The following CDH1 variants were observed in gnomAD, a reference collection of about 807,000 sequenced individuals.
CDH1 encodes the protein cadherin 1, also known as cadherin-1.
A neutral mutation model predicts 84.5 loss-of-function variants in CDH1; 35 were observed. The ratio of observed to expected loss-of-function variants is 0.41; its 90% confidence interval spans 0.32 to 0.55. The LOEUF is 0.55. Ranked by LOEUF, CDH1 falls within the 20% of genes least tolerant of loss-of-function variation. CDH1 has a pLI of 0.19. For missense variants in CDH1, 994 were observed against 1,126.6 expected (o/e 0.88, Z 1.68); for synonymous variants, 417 against 439.0 (o/e 0.95, Z 0.63).
At chr16:68,791,984 G>C (rs1415290765) in intron 2 of CDH1, among the ~76,000 whole-genome samples, 1 of 148,634 alleles carries the variant, frequency 6.7e-6, no homozygotes, top group East Asian at 2.0e-4. Context: ...GCAGTGGCGT[G>C]ATCTCAGCTC....
intron 2 of CDH1, among the ~76,000 whole-genome samples, chr16:68,744,319 C>T (rs1378673613): frequency 6.6e-6 from 1 of 152,160 alleles, no homozygotes; most frequent in African/African-American, 2.4e-5. Flanking sequence ...GATCTCAAAC[C>T]TGAGTCTGGA....
chr16:68,811,584 G>A (rs2152131764), intron 6 of CDH1, 100 bp from the exon 7 acceptor site: 4 of 1,029,480 alleles, frequency 3.9e-6, no homozygotes, highest in Admixed American at 1.7e-5. Context: ...CCACCCCCAT[G>A]TCCCCTCCTT....
At position 68,829,948 on chromosome 16, in the gene CDH1, TTTTTC is replaced by T. The variant is rs1567516310; in HGVS notation, c.2439+156_2439+160del. On this transcript the variant is annotated intron_variant, in intron 15 of 15. Coordinates refer to ENST00000261769, the MANE Select transcript of CDH1 (RefSeq NM_004360.5). ...GGAGCCCTGTTTTCCTTTTTCTTTT[TTTTTC>T]TTTTTCTTTTTTTTTTTTTTTGAGA... 414 of 682,422 alleles carry T rather than the reference TTTTTC, an allele frequency of 6.1e-4. 1 individual carries two copies. Among genetic ancestry groups the T allele is most frequent in the South Asian group, 1.7e-3 (87 of 50,768 alleles). 42.3% of individuals were successfully genotyped at this position (682,422 alleles called of 1,614,324 possible). A position where few individuals can be genotyped will look rare whatever the true frequency, so the allele number is the denominator to read the frequency against.
intron 12 of CDH1, chr16:68,822,523 C>T (rs1028899501): frequency 2.8e-5 from 15 of 536,842 alleles, no homozygotes; most frequent in Non-Finnish European, 4.5e-5. Flanking sequence ...TCTCTGCTAC[C>T]TCCTGCTCCT....
chr16:68,740,495 G>A (rs926946228), intron 2 of CDH1, among the ~76,000 whole-genome samples: 1 of 151,956 alleles, frequency 6.6e-6, no homozygotes, highest in Non-Finnish European at 1.5e-5. Flanking sequence ...TGGCTTCTCG[G>A]GGAAGGCAAA....
chr16:68,779,408 T>G (rs1959815793), intron 2 of CDH1, among the ~76,000 whole-genome samples: 1 of 152,256 alleles, frequency 6.6e-6, no homozygotes, highest in Non-Finnish European at 1.5e-5. Flanking sequence ...CCAGCTCTGC[T>G]GTGTGCTGTT....
chr16:68,772,593 G>A (rs1301614866), intron 2 of CDH1, among the ~76,000 whole-genome samples: 2 of 152,126 alleles, frequency 1.3e-5, no homozygotes, highest in African/African-American at 2.4e-5. Flanking sequence ...ACCCTGTGAT[G>A]TAGGTCTTCC....
intron 2 of CDH1, among the ~76,000 whole-genome samples, chr16:68,794,440 A>G (rs1489114158): frequency 6.6e-6 from 1 of 152,166 alleles, no homozygotes. Flanking sequence ...CCTTTTCAAC[A>G]TGCCCTAAGT....
intron 2 of CDH1, among the ~76,000 whole-genome samples, chr16:68,764,270 G>C (rs1301101139): frequency 6.6e-6 from 1 of 152,050 alleles, no homozygotes; most frequent in East Asian, 1.9e-4. Context: ...ACTCTGAGTG[G>C]AATTACCAGT....
intron 2 of CDH1, among the ~76,000 whole-genome samples, chr16:68,741,875 T>C (rs1597841419): frequency 1.3e-5 from 2 of 152,168 alleles, no homozygotes; most frequent in Admixed American, 6.5e-5. Context: ...TTCATCATAT[T>C]GGTCAGGCTG....
chr16:68,796,631 T>TG (rs1178721794), intron 2 of CDH1, among the ~76,000 whole-genome samples: 1 of 152,116 alleles, frequency 6.6e-6, no homozygotes, highest in African/African-American at 2.4e-5. Context: ...TCATCTCTCT[T>TG]GGGGTCCTCT....
intron 2 of CDH1, among the ~76,000 whole-genome samples, chr16:68,745,504 C>T (rs1216476719): frequency 3.5e-5 from 4 of 115,466 alleles, no homozygotes; most frequent in Non-Finnish European, 6.5e-5. Flanking sequence ...GATTGCACCA[C>T]GGCACTCCAG....
At chr16:68,778,336 G>C (rs1205896156) in intron 2 of CDH1, among the ~76,000 whole-genome samples, 2 of 152,176 alleles carry the variant, frequency 1.3e-5, no homozygotes, top group Non-Finnish European at 2.9e-5. Context: ...GTGAGCCACC[G>C]TGCCCGACCA....
At chr16:68,824,923 G>A (rs1961277917) in intron 13 of CDH1, among the ~76,000 whole-genome samples, 1 of 152,152 alleles carries the variant, frequency 6.6e-6, no homozygotes, top group South Asian at 2.1e-4. Flanking sequence ...GTGAATGATG[G>A]AAGAGCAAGC....
intron 2 of CDH1, among the ~76,000 whole-genome samples, chr16:68,771,870 C>T (rs1013824366): frequency 1.3e-5 from 2 of 152,112 alleles, no homozygotes; most frequent in South Asian, 2.1e-4. Flanking sequence ...CGCGAGCCAC[C>T]GTGCCTAGCC....
chr16:68,776,137 C>T (rs577184271), intron 2 of CDH1, among the ~76,000 whole-genome samples: 1 of 152,276 alleles, frequency 6.6e-6, no homozygotes, highest in South Asian at 2.1e-4. Flanking sequence ...TAGGCACGCA[C>T]CACCATGCCT....
intron 2 of CDH1, among the ~76,000 whole-genome samples, chr16:68,774,912 C>T (rs960403012): frequency 6.6e-6 from 1 of 152,104 alleles, no homozygotes; most frequent in African/African-American, 2.4e-5. Flanking sequence ...ATAGAAGCCC[C>T]TCCCCATCCC....
intron 15 of CDH1, among the ~76,000 whole-genome samples, chr16:68,832,585 C>T (rs1160947718): frequency 1.3e-5 from 2 of 152,032 alleles, no homozygotes; most frequent in Non-Finnish European, 2.9e-5. Flanking sequence ...TTTGGGAGGC[C>T]GAGGCAGGTG....
At chr16:68,786,785 T>C (rs1232006895) in intron 2 of CDH1, among the ~76,000 whole-genome samples, 1 of 152,164 alleles carries the variant, frequency 6.6e-6, no homozygotes, top group Non-Finnish European at 1.5e-5. Context: ...ATTGGACAAG[T>C]GAGCACTTGT....
Sources: allele counts gnomAD v4.1 joint callset (sites outside exome capture counted in the v4.1 genomes callset), GRCh38; gene constraint gnomAD v4.1.1; transcripts MANE v1.5; gene names NCBI Gene and HGNC (gene_info 2026-07-23, HGNC 2026-07-21).